CLCN4: variants seen among roughly 807,000 people sequenced by gnomAD.
CLCN4 encodes the protein H(+)/Cl(-) exchange transporter 4.
In CLCN4, 1 loss-of-function variant was observed where a neutral mutation model predicts 41.7. The observed-to-expected ratio is 0.02, with a 90% CI of 0.01 to 0.11. The LOEUF is 0.11. Among genes scored for constraint, CLCN4 ranks in the 10% least tolerant of loss-of-function variants. The pLI is 1.00. For synonymous variants in CLCN4, 277 were observed against 285.8 expected (o/e 0.97, Z 0.31); for missense variants, 287 against 661.0 (o/e 0.43, Z 6.20).
At chrX:10,185,707 C>T (rs1011856616) in intron 3 of CLCN4, among the ~76,000 whole-genome samples, 30 of 111,104 alleles carry the variant, frequency 2.7e-4, no homozygotes, top group African/African-American at 9.2e-4. Flanking sequence ...CAGGAATGCC[C>T]CCCTTTTTTA....
intron 11 of CLCN4, among the ~76,000 whole-genome samples, chrX:10,215,635 A>G (rs1344324276): frequency 8.9e-6 from 1 of 111,975 alleles, no homozygotes; most frequent in African/African-American, 3.2e-5. Flanking sequence ...CTTTTAAGCA[A>G]AGGTTGAAAT....
intron 12 of CLCN4, among the ~76,000 whole-genome samples, chrX:10,231,755 G>A (rs1376843546): frequency 9.0e-6 from 1 of 111,635 alleles, no homozygotes; most frequent in Non-Finnish European, 1.9e-5. Flanking sequence ...ATGAGGTGGT[G>A]ATGGCCAGAA....
intron 2 of CLCN4, among the ~76,000 whole-genome samples, chrX:10,176,951 T>C (rs1365072435): frequency 5.4e-5 from 6 of 112,005 alleles, no homozygotes; most frequent in Non-Finnish European, 9.4e-5. Context: ...ATCACCCAAG[T>C]GTCACCCGCA....
chrX:10,213,261 A>G (rs1175734264), intron 10 of CLCN4, among the ~76,000 whole-genome samples: 1 of 111,975 alleles, frequency 8.9e-6, no homozygotes, highest in Non-Finnish European at 1.9e-5. Flanking sequence ...GCGCTTCTCC[A>G]CCTAATCATT....
chrX:10,205,634 A>T (rs773485491), intron 6 of CLCN4, among the ~76,000 whole-genome samples: 2 of 90,456 alleles, frequency 2.2e-5, no homozygotes, highest in South Asian at 5.5e-4. Flanking sequence ...TTGAAACAGG[A>T]TCTTGCTCTG....
At position 10,187,618 on chromosome X, in the gene CLCN4, C is replaced by T. The variant is rs192492405; in HGVS notation, c.244+4C>T. ...CTGCTCATCGGCCTGCTGGCGGGTA[C>T]GTGGATGGGCATGCGGCACTCCCGT... On this transcript the variant is annotated splice_donor_region_variant and intron_variant, in intron 4 of 12. Coordinates refer to ENST00000380833, the MANE Select transcript of CLCN4 (RefSeq NM_001830.4). The T allele has an allele frequency of 1.3e-5, 15 of 1,187,515 alleles. No homozygotes were observed. The Admixed American group carries it at 1.3e-4, about 10-fold the overall frequency.
At chrX:10,200,224 T>C (rs1208033189) in intron 6 of CLCN4, among the ~76,000 whole-genome samples, 2 of 112,332 alleles carry the variant, frequency 1.8e-5, no homozygotes, top group African/African-American at 3.2e-5. Flanking sequence ...GTTTTTGCCA[T>C]GTTGCCCAGG....
In CLCN4 at chrX:10,187,547, G is replaced by T. The variant is rs1159553381; in HGVS notation, c.177G>T (p.Glu59Asp). The T allele has an allele frequency of 2.5e-6, 3 of 1,209,164 alleles. No individual in the cohort carries two copies. Among genetic ancestry groups the T allele is most frequent in the Non-Finnish European group, 3.4e-6 (3 of 894,323 alleles). The change falls in exon 4 of 13, where the codon GAG becomes GAT. Residue 59 changes from glutamate to aspartate, a missense_variant. Around this residue, in one of 6 missense-constraint regions of CLCN4, gnomAD observed 90 missense variants for 209.8 expected, o/e 0.43. Transcript: ENST00000380833. ...ITSKSKESIWEFIKSLLDAWS... is the reference protein window; with the variant it reads ...ITSKSKESIWDFIKSLLDAWS... ...GCAAGAGCAAGGAGTCCATATGGGA[G>T]TTCATCAAGAGCCTGCTGGATGCCT...
rs891019499 is a variant in CLCN4, at chrX:10,235,124, T to G, written c.*1540T>G. ...CTCCATAACATCATTGGGATCCCCA[T>G]CCCGTTGCTATTTCTTTTTCACCGT... On this transcript the variant is annotated 3_prime_UTR_variant, in exon 13 of 13. Coordinates refer to ENST00000380833, the MANE Select transcript of CLCN4 (RefSeq NM_001830.4). 3 of 112,411 alleles carry G rather than the reference T, an allele frequency of 2.7e-5. No individual in the cohort carries two copies. The highest frequency in any genetic ancestry group is 9.7e-5 in the African/African-American group (3 of 30,870). 9.3% of individuals were successfully genotyped at this position (112,411 alleles called of 1,213,427 possible).
chrX:10,216,945 C>G (rs1487383312), intron 11 of CLCN4, among the ~76,000 whole-genome samples: 6 of 49,981 alleles, frequency 1.2e-4, no homozygotes, highest in Non-Finnish European at 2.4e-4. Flanking sequence ...AGGGACTTCT[C>G]CATGCTTTAG....
At chrX:10,180,952 ACAAGCCTTCGGATGATGCCAGCTC>A (rs1278717124) in intron 2 of CLCN4, among the ~76,000 whole-genome samples, 1 of 110,339 alleles carries the variant, frequency 9.1e-6, no homozygotes, top group Non-Finnish European at 1.9e-5. Flanking sequence ...GTGTGAGTGA[ACAAGCCTTCGGATGATGCCAGCTC>A]CAGCCCCTGT....
At chrX:10,198,811 A>AT (rs760420278) in intron 6 of CLCN4, among the ~76,000 whole-genome samples, 1 of 112,234 alleles carries the variant, frequency 8.9e-6, no homozygotes, top group East Asian at 2.8e-4. Flanking sequence ...GCCAGAAGTA[A>AT]TTTTAAAAGT....
chrX:10,205,456 GTGC>G (rs1924356974), intron 6 of CLCN4, among the ~76,000 whole-genome samples: 1 of 88,363 alleles, frequency 1.1e-5, no homozygotes, highest in African/African-American at 4.4e-5. Context: ...CTGGGCAACA[GTGC>G]AAGACTCCAT....
intron 2 of CLCN4, among the ~76,000 whole-genome samples, chrX:10,169,397 C>G (rs922603185): frequency 3.3e-4 from 37 of 111,354 alleles, no homozygotes; most frequent in Admixed American, 3.8e-4. Flanking sequence ...TCCATTGATT[C>G]TGTGTCGAAT....
intron 2 of CLCN4, among the ~76,000 whole-genome samples, chrX:10,182,850 C>T (rs1316169168): frequency 8.9e-6 from 1 of 112,606 alleles, no homozygotes; most frequent in South Asian, 3.7e-4. Context: ...ACTGCATGTT[C>T]CGTCAAAGTT....
chrX:10,214,406 C>T (rs892273409), intron 11 of CLCN4, among the ~76,000 whole-genome samples: 1 of 113,133 alleles, frequency 8.8e-6, no homozygotes, highest in Non-Finnish European at 1.9e-5. Context: ...TGCAAGCAGC[C>T]CCCTGGCCCT....
intron 8 of CLCN4, among the ~76,000 whole-genome samples, chrX:10,207,832 A>G (rs765453466): frequency 2.7e-5 from 3 of 111,683 alleles, no homozygotes; most frequent in Non-Finnish European, 3.8e-5. Flanking sequence ...ATATAGCCCA[A>G]ACCCACCTTG....
chrX:10,196,868 G>T (rs1924109002), intron 5 of CLCN4, among the ~76,000 whole-genome samples: 1 of 112,192 alleles, frequency 8.9e-6, no homozygotes, highest in Non-Finnish European at 1.9e-5. Context: ...TTGATTCGAA[G>T]AATTACCTTT....
intron 4 of CLCN4, among the ~76,000 whole-genome samples, chrX:10,188,287 A>G (rs180964406): frequency 7.6e-4 from 86 of 112,519 alleles, no homozygotes; most frequent in African/African-American, 2.6e-3. Flanking sequence ...TTTATCTTCA[A>G]TAACAAAATG....
Sources: gnomAD v4.1 joint callset for allele counts (sites outside exome capture counted in the v4.1 genomes callset) on GRCh38, gnomAD v4.1.1 for gene constraint, gnomAD v4.1.1 regional missense constraint, MANE v1.5 for transcripts, NCBI Gene and HGNC (gene_info 2026-07-23, HGNC 2026-07-21) for gene names.